The following RFTN1 variants were observed in gnomAD, a reference collection of about 807,000 sequenced individuals.
The protein encoded by RFTN1 is raftlin.
A neutral mutation model predicts 46.5 loss-of-function variants in RFTN1; 26 were observed. The ratio of observed to expected loss-of-function variants is 0.56; its 90% CI spans 0.41 to 0.78. RFTN1 has a LOEUF of 0.78. Among genes scored for constraint, RFTN1 ranks in the 30% least tolerant of loss-of-function variants. The pLI, the probability that RFTN1 is intolerant of heterozygous loss-of-function variation, is 0.00. For missense variants in RFTN1, 693 were observed against 718.7 expected (o/e 0.96, Z 0.41); for synonymous variants, 261 against 284.2 (o/e 0.92, Z 0.82).
At position 16,352,459 on chromosome 3, in the gene RFTN1, CAAAG is replaced by C. The variant is rs1198113146; in HGVS notation, c.1146+5469_1146+5472del. Among the ~76,000 whole-genome samples the C allele has an allele frequency of 1.3e-5, 2 of 152,144 alleles. No homozygotes were observed. Among genetic ancestry groups the C allele is most frequent in the Non-Finnish European group, 2.9e-5 (2 of 68,022 alleles). ...CTGCTCACATACTAGACTGTAAACT[CAAAG>C]AAAGTAAACAAAATACCTGTTATAA... On this transcript the variant is annotated intron_variant, in intron 7 of 9. Transcript: ENST00000334133. This position sits in a 1 kb window ranked among gnomAD's most constrained non-coding sequence, Gnocchi z 4.6.
At position 16,402,338 on chromosome 3, in the gene RFTN1, C is replaced by T. The variant is rs767004414; in HGVS notation, c.441+7037G>A. Among the ~76,000 whole-genome samples, 11 of 152,176 alleles carry T rather than the reference C, an allele frequency of 7.2e-5. No homozygotes were observed. The highest frequency in any genetic ancestry group is 1.3e-4 in the Admixed American group (2 of 15,278). On this transcript the variant is annotated intron_variant, in intron 4 of 9. Coordinates refer to ENST00000334133, the MANE Select transcript of RFTN1 (RefSeq NM_015150.2). The surrounding 1 kb of genome is among the most constrained non-coding windows in gnomAD (Gnocchi z 4.5). ...ACCCCATTGCCCCCTGCAAGGCCTG[C>T]GCCAGCCGCCAGCTCACTGTCTTCC...
chr3:16,406,159 G>A (rs1018316687), intron 4 of RFTN1, among the ~76,000 whole-genome samples: 2 of 152,200 alleles, frequency 1.3e-5, no homozygotes, highest in East Asian at 1.9e-4. Context: ...CACGGGTGTT[G>A]GAGAGGTACG....
rs2068584050 is a variant in RFTN1 at position 16,317,792 on chromosome 3, C to T, written c.1333-560G>A. Among the ~76,000 whole-genome samples, 1 of 151,826 alleles carries T rather than the reference C, an allele frequency of 6.6e-6. No individual in the cohort carries two copies. The highest frequency in any genetic ancestry group is 1.5e-5 in the Non-Finnish European group (1 of 68,016). ...TAGGCCGATAGCCCTTTGCTGACCA[C>T]CACCTCACAGAAGGGTCACACCAGG... is the stretch of plus-strand genomic sequence containing the variant. On this transcript the variant is annotated intron_variant, in intron 9 of 9. Coordinates refer to ENST00000334133, the MANE Select transcript of RFTN1 (RefSeq NM_015150.2). The surrounding 1 kb of genome is among the most constrained non-coding windows in gnomAD (Gnocchi z 4.3).
intron 3 of RFTN1, among the ~76,000 whole-genome samples, chr3:16,412,934 C>T (rs1376290895): frequency 6.6e-6 from 1 of 152,206 alleles, no homozygotes; most frequent in Non-Finnish European, 1.5e-5. Flanking sequence ...TGGGGCTTTC[C>T]TCAGTTGAGC....
intron 1 of RFTN1, among the ~76,000 whole-genome samples, chr3:16,510,863 A>T (rs2076888249): frequency 6.6e-6 from 1 of 152,174 alleles, no homozygotes; most frequent in Non-Finnish European, 1.5e-5. Flanking sequence ...CAAAGAAAGA[A>T]AGAAAGAAAC....
In RFTN1 at chr3:16,382,802, C is replaced by G. The variant is rs1463501758; in HGVS notation, c.442-4700G>C. On this transcript the variant is annotated intron_variant, in intron 4 of 9. Coordinates refer to ENST00000334133, the MANE Select transcript of RFTN1 (RefSeq NM_015150.2). The surrounding 1 kb of genome is among the most constrained non-coding windows in gnomAD (Gnocchi z 4.7). Reference sequence around the variant, plus strand: ...TCTCCATAAAGTGACCATCCAAGCTCACTTTATTTCAAGCCCTCATCATCT... The same window carrying G: ...TCTCCATAAAGTGACCATCCAAGCTGACTTTATTTCAAGCCCTCATCATCT... Among the ~76,000 whole-genome samples the G allele has an allele frequency of 6.6e-6, 1 of 152,176 alleles. No individual in the cohort carries two copies. Among genetic ancestry groups the G allele is most frequent in the Non-Finnish European group, 1.5e-5 (1 of 68,028 alleles).
intron 2 of RFTN1, among the ~76,000 whole-genome samples, chr3:16,487,734 G>A (rs1390486541): frequency 6.6e-6 from 1 of 152,178 alleles, no homozygotes; most frequent in African/African-American, 2.4e-5. Context: ...TTTTCACAGA[G>A]CTGACATAGG....
In RFTN1 at chr3:16,324,621, C is replaced by CCA. The variant is rs957893120; in HGVS notation, c.1251-1165_1251-1164insTG. Among the ~76,000 whole-genome samples the CCA allele has an allele frequency of 7.3e-5, 10 of 136,484 alleles. 1 individual carries two copies. Among genetic ancestry groups the CCA allele is most frequent in the Non-Finnish European group, 1.6e-4 (10 of 61,296 alleles). 89.5% of individuals were successfully genotyped at this position (136,484 alleles called of 152,430 possible). On this transcript the variant is annotated intron_variant, in intron 8 of 9. Coordinates refer to ENST00000334133, the MANE Select transcript of RFTN1 (RefSeq NM_015150.2). ...ATAACAGAATGTCCCTGACCCCCCC[C>CCA]CTTTTAAGGTTGCATAGTATTCCAT... is the stretch of plus-strand genomic sequence containing the variant.
intron 2 of RFTN1, among the ~76,000 whole-genome samples, chr3:16,488,570 T>C (rs906660151): frequency 2.0e-5 from 3 of 152,254 alleles, no homozygotes; most frequent in Non-Finnish European, 2.9e-5. Flanking sequence ...TAAAACCTTA[T>C]GGAAGAGGAA....
rs9872197 is a variant in RFTN1, at chr3:16,489,947, C to A, written c.145+3778G>T. Among the ~76,000 whole-genome samples, 854 of 152,070 alleles carry A rather than the reference C, an allele frequency of 5.6e-3. 6 individuals carry two copies. Among genetic ancestry groups the A allele is most frequent in the African/African-American group, 0.019 (802 of 41,486 alleles). On this transcript the variant is annotated intron_variant, in intron 2 of 9. Coordinates refer to ENST00000334133, the MANE Select transcript of RFTN1 (RefSeq NM_015150.2). The surrounding 1 kb of genome is among the most constrained non-coding windows in gnomAD (Gnocchi z 4.0). ...TAAAGAAAGAAAAATGAGGTGAGGA[C>A]GTAATGTCCTATCACAGGACTGGGC...
In RFTN1 at chr3:16,465,419, G is replaced by GACACAC. The variant is rs10560544; in HGVS notation, c.145+28300_145+28305dup. Among the ~76,000 whole-genome samples the GACACAC allele has an allele frequency of 0.098, 14,041 of 143,276 alleles. 711 individuals carry two copies. Among genetic ancestry groups the GACACAC allele is most frequent in the Middle Eastern group, 0.13 (37 of 280 alleles). The allele number at this position is 143,276 out of a possible 152,430, so 94.0% of individuals were successfully genotyped here. ...CCAACAGAGGTTGGCAGCTCAGAGG[G>GACACAC]ACACACACACACACACACACACACA... On this transcript the variant is annotated intron_variant, in intron 2 of 9. Coordinates refer to ENST00000334133, the MANE Select transcript of RFTN1 (RefSeq NM_015150.2). The surrounding 1 kb of genome is among the most constrained non-coding windows in gnomAD (Gnocchi z 5.1).
chr3:16,373,057 C>G (rs1370905818), intron 5 of RFTN1, among the ~76,000 whole-genome samples: 4 of 152,214 alleles, frequency 2.6e-5, no homozygotes, highest in Non-Finnish European at 5.9e-5. Context: ...TTCTCCAACA[C>G]ACATCCTCAC....
intron 2 of RFTN1, among the ~76,000 whole-genome samples, chr3:16,461,865 A>G (rs1181870296): frequency 6.6e-6 from 1 of 152,266 alleles, no homozygotes; most frequent in Non-Finnish European, 1.5e-5. Flanking sequence ...ATCTATAAGC[A>G]GTGTAAGCAA....
intron 9 of RFTN1, among the ~76,000 whole-genome samples, chr3:16,318,419 C>T (rs1420330781): frequency 6.6e-6 from 1 of 152,168 alleles, no homozygotes; most frequent in Non-Finnish European, 1.5e-5. Flanking sequence ...AATGCAGTTG[C>T]ACCATCAGTG....
At position 16,457,759 on chromosome 3, in the gene RFTN1, G is replaced by A. The variant is rs1263183943; in HGVS notation, c.146-23722C>T. Among the ~76,000 whole-genome samples, 1 of 152,110 alleles carries A rather than the reference G, an allele frequency of 6.6e-6. No homozygotes were observed. The highest frequency in any genetic ancestry group is 1.5e-5 in the Non-Finnish European group (1 of 68,028). ...ACTTTTTACCATTAAGACTTAATTCGATAGACATGGCTGTGGTCTGAATGT... is the reference window on the plus strand; with the variant it reads ...ACTTTTTACCATTAAGACTTAATTCAATAGACATGGCTGTGGTCTGAATGT... On this transcript the variant is annotated intron_variant, in intron 2 of 9. Coordinates refer to ENST00000334133, the MANE Select transcript of RFTN1 (RefSeq NM_015150.2). This position sits in a 1 kb window ranked among gnomAD's most constrained non-coding sequence, Gnocchi z 4.2.
intron 2 of RFTN1, among the ~76,000 whole-genome samples, chr3:16,492,081 G>T (rs1156480001): frequency 6.6e-6 from 1 of 152,178 alleles, no homozygotes; most frequent in Non-Finnish European, 1.5e-5. Context: ...CTACACACAG[G>T]GGGAAGGCAT....
intron 6 of RFTN1, among the ~76,000 whole-genome samples, chr3:16,365,332 A>G (rs62236263): frequency 0.064 from 9,423 of 146,464 alleles, 339 homozygotes; most frequent in Middle Eastern, 0.13. Context: ...ATCCAGAACT[A>G]TCATTAGCCA....
rs149554467 is a variant in RFTN1 at position 16,512,425 on chromosome 3, TAA to T, written c.-9+1015_-9+1016del. On this transcript the variant is annotated intron_variant, in intron 1 of 9. Coordinates refer to ENST00000334133, the MANE Select transcript of RFTN1 (RefSeq NM_015150.2). This position sits in a 1 kb window ranked among gnomAD's most constrained non-coding sequence, Gnocchi z 4.3. ...CAGAGATTGAGCCAGACTTTTTTTT[TAA>T]AAAAGTACTTCTTGTTTGTTTGTTT... Among the ~76,000 whole-genome samples, 3 of 150,806 alleles carry T rather than the reference TAA, an allele frequency of 2.0e-5. No individual in the cohort carries two copies. Among genetic ancestry groups the T allele is most frequent in the Non-Finnish European group, 2.9e-5 (2 of 67,846 alleles).
At chr3:16,491,371 C>A (rs1425823997) in intron 2 of RFTN1, among the ~76,000 whole-genome samples, 1 of 152,256 alleles carries the variant, frequency 6.6e-6, no homozygotes, top group South Asian at 2.1e-4. Context: ...CTATGTCACT[C>A]CTGGTGTGGT....
Sources: gnomAD v4.1 joint callset for allele counts (sites outside exome capture counted in the v4.1 genomes callset) on GRCh38, gnomAD v4.1.1 for gene constraint, Gnocchi (gnomAD v3.1) non-coding constraint, MANE v1.5 for transcripts, NCBI Gene and HGNC (gene_info 2026-07-23, HGNC 2026-07-21) for gene names.